CAMKMT: variants seen among roughly 807,000 people sequenced by gnomAD.
The protein encoded by CAMKMT is CaM KMT.
CAMKMT carries 53 observed loss-of-function variants against 48.0 expected under a neutral mutation model. The ratio of observed to expected loss-of-function variants is 1.10; its 90% CI spans 0.89 to 1.39. The LOEUF (loss-of-function observed/expected upper bound fraction) is 1.39, where lower values mean the gene tolerates loss of function less well. Among genes scored for constraint, CAMKMT ranks in the 40% most tolerant of loss-of-function variants. The probability of loss-of-function intolerance (pLI) is 0.00; values close to 1 mark genes in which losing one functional copy is unlikely to be tolerated. For synonymous variants in CAMKMT, 165 were observed against 152.3 expected (o/e 1.08, Z -0.61); for missense variants, 428 against 402.7 (o/e 1.06, Z -0.54).
chr2:44,519,737 C>G (rs1028575478), intron 3 of CAMKMT, among the ~76,000 whole-genome samples: 1 of 152,166 alleles, frequency 6.6e-6, no homozygotes, highest in African/African-American at 2.4e-5. Context: ...GTGCTTCAAA[C>G]TCAACATGCA....
intron 3 of CAMKMT, among the ~76,000 whole-genome samples, chr2:44,512,515 G>A (rs546470417): frequency 1.3e-5 from 2 of 152,168 alleles, no homozygotes; most frequent in East Asian, 1.9e-4. Flanking sequence ...CTGACCTACA[G>A]GTACCTAAAT....
At chr2:44,420,422 G>A (rs969571975) in intron 3 of CAMKMT, among the ~76,000 whole-genome samples, 1 of 151,980 alleles carries the variant, frequency 6.6e-6, no homozygotes, top group African/African-American at 2.4e-5. Flanking sequence ...ACAATGCAGG[G>A]GTTAGGAGTG....
intron 3 of CAMKMT, among the ~76,000 whole-genome samples, chr2:44,452,255 A>C (rs1667332035): frequency 6.6e-6 from 1 of 151,992 alleles, no homozygotes; most frequent in South Asian, 2.1e-4. Flanking sequence ...CATAGAATGA[A>C]TATGCTTTCC....
intron 3 of CAMKMT, among the ~76,000 whole-genome samples, chr2:44,613,508 T>A (rs1057372216): frequency 6.6e-6 from 1 of 152,208 alleles, no homozygotes; most frequent in African/African-American, 2.4e-5. Flanking sequence ...ATATTTAATA[T>A]TTAATATTAC....
intron 9 of CAMKMT, among the ~76,000 whole-genome samples, chr2:44,757,829 A>G (rs967985874): frequency 3.3e-5 from 5 of 152,062 alleles, no homozygotes; most frequent in African/African-American, 1.2e-4. Flanking sequence ...CCCTTGGCCT[A>G]CCAAAGTGCT....
At chr2:44,604,256 G>T (rs1671157125) in intron 3 of CAMKMT, among the ~76,000 whole-genome samples, 1 of 152,148 alleles carries the variant, frequency 6.6e-6, no homozygotes, top group South Asian at 2.1e-4. Flanking sequence ...TGTATGGCTA[G>T]AAATTACTTT....
At chr2:44,434,686 C>G (rs763168387) in intron 3 of CAMKMT, among the ~76,000 whole-genome samples, 14 of 152,098 alleles carry the variant, frequency 9.2e-5, no homozygotes, top group African/African-American at 3.4e-4. Context: ...GTGTATGTGT[C>G]TGTGACAATC....
intron 3 of CAMKMT, among the ~76,000 whole-genome samples, chr2:44,644,240 C>G (rs1315085441): frequency 6.6e-6 from 1 of 152,046 alleles, no homozygotes; most frequent in African/African-American, 2.4e-5. Flanking sequence ...TAATTTTAGG[C>G]CCAAAAAACT....
intron 3 of CAMKMT, among the ~76,000 whole-genome samples, chr2:44,616,648 C>T (rs1671907815): frequency 6.6e-6 from 1 of 152,116 alleles, no homozygotes; most frequent in Non-Finnish European, 1.5e-5. Flanking sequence ...CTAAGATATC[C>T]TCTGAACTGA....
At chr2:44,606,130 C>A (rs1161627221) in intron 3 of CAMKMT, among the ~76,000 whole-genome samples, 1 of 152,172 alleles carries the variant, frequency 6.6e-6, no homozygotes, top group African/African-American at 2.4e-5. Flanking sequence ...AAGCATGTTT[C>A]TTTTACAAAA....
At chr2:44,629,437 T>C (rs59416025) in intron 3 of CAMKMT, among the ~76,000 whole-genome samples, 1,957 of 139,048 alleles carry the variant, frequency 0.014, 30 homozygotes, top group African/African-American at 0.05. Flanking sequence ...TTCTTTCTTT[T>C]TTTTTTTTTT....
chr2:44,516,003 T>G lies in CAMKMT; in HGVS notation c.376+125698T>G, dbSNP rs1670813629. Among the ~76,000 whole-genome samples, 3 of 152,222 alleles carry G rather than the reference T, an allele frequency of 2.0e-5. No individual in the cohort carries two copies. In the South Asian group the frequency reaches 6.2e-4, roughly 31 times the overall value. ...TCTTTGCATTTTATTTTTATTTTTA[T>G]TTTTTGAGAACTTCTCATTATTACC... On this transcript the variant is annotated intron_variant, in intron 3 of 10. Coordinates refer to ENST00000378494, the MANE Select transcript of CAMKMT (RefSeq NM_024766.5).
intron 3 of CAMKMT, among the ~76,000 whole-genome samples, chr2:44,460,931 C>G (rs1667817069): frequency 6.6e-6 from 1 of 151,948 alleles, no homozygotes; most frequent in African/African-American, 2.4e-5. Context: ...CCATGTTGGC[C>G]AGGCTGGTCT....
intron 3 of CAMKMT, among the ~76,000 whole-genome samples, chr2:44,694,012 C>A (rs1231724220): frequency 6.6e-6 from 1 of 152,168 alleles, no homozygotes; most frequent in Non-Finnish European, 1.5e-5. Flanking sequence ...GCTGTGAGAG[C>A]TAGATGTGTT....
intron 3 of CAMKMT, among the ~76,000 whole-genome samples, chr2:44,491,170 A>T (rs865990505): frequency 2.4e-4 from 31 of 130,068 alleles, no homozygotes; most frequent in Middle Eastern, 4.1e-3. Context: ...AAAAAAAAAA[A>T]GGTAAATGCA....
At chr2:44,528,314 A>G (rs1461919074) in intron 3 of CAMKMT, among the ~76,000 whole-genome samples, 5 of 152,150 alleles carry the variant, frequency 3.3e-5, no homozygotes, top group African/African-American at 1.2e-4. Context: ...TATGAAAAAT[A>G]AGTTATTTAT....
At chr2:44,712,322 C>T (rs1677926790) in intron 6 of CAMKMT, among the ~76,000 whole-genome samples, 1 of 152,034 alleles carries the variant, frequency 6.6e-6, no homozygotes, top group African/African-American at 2.4e-5. Flanking sequence ...GAAATATCTT[C>T]TTGCTTAAAC....
intron 3 of CAMKMT, among the ~76,000 whole-genome samples, chr2:44,421,841 C>G (rs1011182651): frequency 6.6e-6 from 1 of 152,010 alleles, no homozygotes; most frequent in Admixed American, 6.5e-5. Flanking sequence ...CATTCTGTGT[C>G]GAGTTTTTGG....
At chr2:44,474,822 A>G (rs544552117) in intron 3 of CAMKMT, among the ~76,000 whole-genome samples, 12 of 152,302 alleles carry the variant, frequency 7.9e-5, no homozygotes, top group Non-Finnish European at 1.0e-4. Flanking sequence ...TCTATGCTGC[A>G]ATTCTCTATT....
Sources: gnomAD v4.1 joint callset for allele counts (sites outside exome capture counted in the v4.1 genomes callset) on GRCh38, gnomAD v4.1.1 for gene constraint, MANE v1.5 for transcripts, NCBI Gene and HGNC (gene_info 2026-07-23, HGNC 2026-07-21) for gene names.